The following CRYZ variants were observed in gnomAD, a reference collection of about 807,000 sequenced individuals.
CRYZ encodes the protein crystallin zeta.
In CRYZ, 35 loss-of-function variants were observed where a neutral mutation model predicts 34.1. The ratio of observed to expected loss-of-function variants is 1.03; its 90% confidence interval spans 0.78 to 1.36. The LOEUF (loss-of-function observed/expected upper bound fraction) is 1.36, where lower values mean the gene tolerates loss of function less well. Among genes scored for constraint, CRYZ ranks in the 40% most tolerant of loss-of-function variants. CRYZ has a pLI of 0.00. For missense variants in CRYZ, 403 were observed against 391.8 expected, an observed-to-expected ratio of 1.03 and a Z score of -0.24; for synonymous variants, 137 against 136.5, an observed-to-expected ratio of 1.00 and a Z score of -0.03.
At chr1:74,718,086 T>C (rs1428540728) in intron 4 of CRYZ, among the ~76,000 whole-genome samples, 1 of 152,070 alleles carries the variant, frequency 6.6e-6, no homozygotes. Flanking sequence ...CCTTTGAAAC[T>C]TTTTCCCTCT....
intron 3 of CRYZ, 98 bp downstream of exon 3, chr1:74,723,020 G>T: frequency 8.3e-7 from 1 of 1,201,782 alleles, no homozygotes; most frequent in Non-Finnish European, 1.2e-6. Context: ...GTGTAATGGG[G>T]CCTTTTAAAA....
chr1:74,719,223 T>G lies in CRYZ; in HGVS notation c.414A>C (p.Arg138=), dbSNP rs752638968. ...TGTGTTATTACCTGTGGATCAGAGC[T>G]CGATAAGCAGTAAAATATGGAATGC... The part of the protein sequence containing the change: ...AIGIPYFTAY[R]ALIHSACVKA... The change falls in exon 4 of 9, where the codon CGA becomes CGC. Residue 138 remains arginine (R), a synonymous_variant. Coordinates refer to ENST00000340866, the MANE Select transcript of CRYZ (RefSeq NM_001889.4). 1 of 1,613,680 alleles carries G rather than the reference T, an allele frequency of 6.2e-7. No individual in the cohort carries two copies. Among genetic ancestry groups the G allele is most frequent in the South Asian group, 1.1e-5 (1 of 91,054 alleles).
In CRYZ at chr1:74,706,114, A is replaced by C. The variant is rs182639596; in HGVS notation, c.*182T>G. The C allele has an allele frequency of 6.1e-6, 3 of 490,180 alleles. No individual in the cohort carries two copies. Among genetic ancestry groups the C allele is most frequent in the Non-Finnish European group, 1.1e-5 (3 of 280,822 alleles). 30.4% of individuals were successfully genotyped at this position (490,180 alleles called of 1,614,324 possible). ...TTTGATTTGAGACAGATGGCATAAA[A>C]AAATATTGCTAGCTATACAATAAAT... On this transcript the variant is annotated 3_prime_UTR_variant, in exon 9 of 9. Coordinates refer to ENST00000340866, the MANE Select transcript of CRYZ (RefSeq NM_001889.4).
At chr1:74,729,477 A>AC (rs1647578924) in intron 1 of CRYZ, among the ~76,000 whole-genome samples, 1 of 92,866 alleles carries the variant, frequency 1.1e-5, no homozygotes, top group African/African-American at 3.5e-5. Flanking sequence ...TGCCATCTCT[A>AC]CAAAAAAAAA....
chr1:74,717,817 T>C (rs1405353032), intron 4 of CRYZ, among the ~76,000 whole-genome samples: 1 of 152,154 alleles, frequency 6.6e-6, no homozygotes, highest in African/African-American at 2.4e-5. Flanking sequence ...ATCCTTTCGG[T>C]CTCTTACAAC....
At chr1:74,729,478 C>CAA (rs5775262) in intron 1 of CRYZ, among the ~76,000 whole-genome samples, 1,795 of 123,866 alleles carry the variant, frequency 0.014, 55 homozygotes, top group African/African-American at 0.049. Flanking sequence ...GCCATCTCTA[C>CAA]AAAAAAAAAA....
intron 1 of CRYZ, among the ~76,000 whole-genome samples, chr1:74,727,596 A>T (rs1647432765): frequency 8.4e-6 from 1 of 119,642 alleles, no homozygotes; most frequent in South Asian, 2.8e-4. Flanking sequence ...ATGCCACTAC[A>T]CTCCAGCCAC....
chr1:74,724,362 A>G (rs1647230894), intron 2 of CRYZ, among the ~76,000 whole-genome samples: 1 of 152,188 alleles, frequency 6.6e-6, no homozygotes, highest in Non-Finnish European at 1.5e-5. Context: ...TGCAAAAGAA[A>G]ATTGTTTTCC....
intron 3 of CRYZ, among the ~76,000 whole-genome samples, chr1:74,720,270 A>G (rs1647140924): frequency 6.6e-6 from 1 of 150,654 alleles, no homozygotes; most frequent in Admixed American, 6.6e-5. Flanking sequence ...TTTCTCATGC[A>G]AACACCCAAA....
chr1:74,712,544 T>A (rs1647019214), intron 5 of CRYZ, among the ~76,000 whole-genome samples: 1 of 152,140 alleles, frequency 6.6e-6, no homozygotes, highest in Non-Finnish European at 1.5e-5. Context: ...ACCTTAAAGA[T>A]TGTATGGCAC....
intron 4 of CRYZ, among the ~76,000 whole-genome samples, chr1:74,716,316 TAGAC>T (rs964218970): frequency 6.6e-5 from 10 of 152,112 alleles, no homozygotes; most frequent in South Asian, 2.1e-4. Flanking sequence ...GACTGATAGA[TAGAC>T]AGACAGACAC....
chr1:74,730,108 T>C (rs1215058817), intron 1 of CRYZ, among the ~76,000 whole-genome samples: 1 of 151,956 alleles, frequency 6.6e-6, no homozygotes, highest in Non-Finnish European at 1.5e-5. Context: ...AAAATTACTC[T>C]GAAATAGGAT....
At chr1:74,712,567 A>G (rs12129513) in intron 5 of CRYZ, among the ~76,000 whole-genome samples, 53,741 of 152,112 alleles carry the variant, frequency 0.35, 11,847 homozygotes, top group Non-Finnish European at 0.5. Flanking sequence ...GGGAATAACG[A>G]GGCTGGACTC....
intron 4 of CRYZ, among the ~76,000 whole-genome samples, chr1:74,715,853 G>T (rs1355297419): frequency 6.6e-6 from 1 of 151,532 alleles, no homozygotes; most frequent in African/African-American, 2.4e-5. Context: ...GTGTCAACTT[G>T]ACTGGGCCAA....
intron 3 of CRYZ, among the ~76,000 whole-genome samples, chr1:74,722,807 T>C (rs1043126562): frequency 3.9e-5 from 6 of 152,268 alleles, no homozygotes; most frequent in East Asian, 3.9e-4. Flanking sequence ...AGTTAGGAAA[T>C]AGTCTAACTT....
chr1:74,726,443 T>C (rs982166543), intron 1 of CRYZ, among the ~76,000 whole-genome samples: 1 of 152,070 alleles, frequency 6.6e-6, no homozygotes, highest in African/African-American at 2.4e-5. Flanking sequence ...ACCTTTAAGC[T>C]ATGGCTGGGA....
At chr1:74,724,903 G>C in intron 1 of CRYZ, 69 bp from the exon 2 acceptor site, 1 of 855,470 alleles carries the variant, frequency 1.2e-6, no homozygotes, top group Non-Finnish European at 1.9e-6. Context: ...TTCCCCCCTG[G>C]AGGGAGCAGA....
intron 1 of CRYZ, among the ~76,000 whole-genome samples, chr1:74,727,390 T>C (rs1647407193): frequency 6.9e-6 from 1 of 145,784 alleles, no homozygotes; most frequent in East Asian, 2.0e-4. Flanking sequence ...GGAACTCCAC[T>C]TTATAAAGCC....
intron 6 of CRYZ, 150 bp downstream of exon 6, chr1:74,709,948 A>ATAAAT (rs3041451): frequency 0.09 from 55,921 of 618,512 alleles, 4,179 homozygotes; most frequent in African/African-American, 0.31. Flanking sequence ...TGTTTTTTAA[A>ATAAAT]TAAAGTTTTA....
Sources: gnomAD v4.1 joint callset for allele counts (sites outside exome capture counted in the v4.1 genomes callset) on GRCh38, gnomAD v4.1.1 for gene constraint, MANE v1.5 for transcripts, NCBI Gene and HGNC (gene_info 2026-07-23, HGNC 2026-07-21) for gene names.